The following AK7 variants were observed in gnomAD, a reference collection of about 807,000 sequenced individuals.
AK7 encodes ATP-AMP transphosphorylase 7.
AK7 carries 78 observed loss-of-function variants against 96.6 expected under a neutral mutation model. The ratio of observed to expected loss-of-function variants is 0.81; its 90% CI spans 0.67 to 0.97. The LOEUF is 0.97. AK7 is among the 50% of genes least tolerant of loss of function. AK7 has a pLI of 0.00. For missense variants in AK7, 855 were observed against 887.9 expected, an observed-to-expected ratio of 0.96 and a Z score of 0.47; for synonymous variants, 302 against 317.2, an observed-to-expected ratio of 0.95 and a Z score of 0.51.
At position 96,489,406 on chromosome 14, in the gene AK7, T is replaced by G. The variant is rs1895945488; in HGVS notation, c.*1063T>G. ...TCTCTATGGATTTACCTATTATAAA[T>G]AAAACCATATAATGGGTGGTCTTTC... On this transcript the variant is annotated 3_prime_UTR_variant, in exon 18 of 18. Coordinates refer to ENST00000267584, the MANE Select transcript of AK7 (RefSeq NM_152327.5). 1 of 152,206 alleles carries G rather than the reference T, an allele frequency of 6.6e-6. No homozygotes were observed. Among genetic ancestry groups the G allele is most frequent in the African/African-American group, 2.4e-5 (1 of 41,450 alleles). 9.4% of individuals were successfully genotyped at this position (152,206 alleles called of 1,614,324 possible). A position where few individuals can be genotyped will look rare whatever the true frequency, so the allele number is the denominator to read the frequency against.
rs766041097 is a variant in AK7, at chr14:96,483,118, G to T, written c.1873G>T (p.Ala625Ser). Residue 625 changes from alanine (A) to serine (S), a missense_variant, in exon 16 of 18, where the codon GCT (alanine) becomes TCT (serine). By Grantham distance (99) the Ala-to-Ser change is moderately conservative. Coordinates refer to ENST00000267584, the MANE Select transcript of AK7 (RefSeq NM_152327.5). Reference protein sequence around the residue: ...DEEKAEEERKAAEERLAREAA... With the variant: ...DEEKAEEERKSAEERLAREAA... ...AGAAAAGGCAGAAGAGGAGCGGAAG[G>T]CTGCGGAGGAGCGGCTGGCCAGGGA... 1 of 1,614,066 alleles carries T rather than the reference G, an allele frequency of 6.2e-7. No individual in the cohort carries two copies. The highest frequency in any genetic ancestry group is 1.3e-5 in the African/African-American group (1 of 74,940).
chr14:96,475,842 G>A (rs1895144294), intron 14 of AK7, among the ~76,000 whole-genome samples: 1 of 152,020 alleles, frequency 6.6e-6, no homozygotes, highest in South Asian at 2.1e-4. Flanking sequence ...AGCTGGGTGT[G>A]GTGGCATGTG....
At chr14:96,479,082 TTTC>T (rs1193243591) in intron 15 of AK7, among the ~76,000 whole-genome samples, 1 of 151,806 alleles carries the variant, frequency 6.6e-6, no homozygotes, top group African/African-American at 2.4e-5. Flanking sequence ...TTAATTTTTT[TTTC>T]TTTTTTTTTG....
intron 15 of AK7, among the ~76,000 whole-genome samples, chr14:96,481,771 C>T (rs1399491192): frequency 6.8e-6 from 1 of 147,378 alleles, no homozygotes; most frequent in Non-Finnish European, 1.5e-5. Context: ...GTAGCTCAAT[C>T]TCAACTCAAT....
intron 5 of AK7, among the ~76,000 whole-genome samples, chr14:96,425,011 G>T (rs558662347): frequency 6.6e-6 from 1 of 151,848 alleles, no homozygotes; most frequent in Non-Finnish European, 1.5e-5. Context: ...TCAAAATTTC[G>T]TTGTAAAAAT....
intron 5 of AK7, among the ~76,000 whole-genome samples, chr14:96,434,205 G>A (rs1366294228): frequency 6.6e-6 from 1 of 152,208 alleles, no homozygotes; most frequent in Non-Finnish European, 1.5e-5. Context: ...CTCTTGGGAA[G>A]GCATTCCAGA....
At chr14:96,458,962 A>C (rs1055940118) in intron 12 of AK7, among the ~76,000 whole-genome samples, 2 of 67,160 alleles carry the variant, frequency 3.0e-5, no homozygotes, top group Non-Finnish European at 7.6e-5. Context: ...AATTATAACA[A>C]AAAAAAAATC....
chr14:96,482,594 T>C (rs1408126175), intron 15 of AK7, among the ~76,000 whole-genome samples: 1 of 152,232 alleles, frequency 6.6e-6, no homozygotes. Flanking sequence ...TATCCCAGTA[T>C]CATTGATTTT....
Position 96,449,891 on chromosome 14 carries a change from C to T in AK7, c.948+12C>T, listed in dbSNP as rs10444759. 0.36 allele frequency: 527,857 copies of T among 1,464,326 alleles called. 96,230 individuals are homozygous for T. Among genetic ancestry groups the T allele is most frequent in the Middle Eastern group, 0.45 (2,162 of 4,832 alleles). The allele number at this position is 1,464,326 out of a possible 1,614,324, so 90.7% of individuals were successfully genotyped here. On this transcript the variant is annotated intron_variant, in intron 9 of 17. Transcript: ENST00000267584. ...CCAAGGACTTAACGGTTAGTATATG[C>T]GGTGTTTTTTTTTTTTTAACTATCT...
chr14:96,396,640 G>C (rs1485953551), intron 1 of AK7, among the ~76,000 whole-genome samples: 1 of 151,964 alleles, frequency 6.6e-6, no homozygotes, highest in Non-Finnish European at 1.5e-5. Context: ...TTATTCCCAA[G>C]GTATGGTAAT....
At chr14:96,411,694 TG>T (rs572748262) in intron 4 of AK7, among the ~76,000 whole-genome samples, 4 of 151,992 alleles carry the variant, frequency 2.6e-5, no homozygotes, top group South Asian at 2.1e-4. Flanking sequence ...AGGAAGTCAG[TG>T]GGGGGTATAG....
chr14:96,442,574 A>G (rs1259216325), intron 6 of AK7, among the ~76,000 whole-genome samples, 156 bp from the exon 7 acceptor site: 1 of 152,146 alleles, frequency 6.6e-6, no homozygotes, highest in Non-Finnish European at 1.5e-5. Context: ...TTGATCCTAA[A>G]TCTCATCAGG....
intron 4 of AK7, among the ~76,000 whole-genome samples, chr14:96,416,928 C>T (rs1390445008): frequency 6.6e-6 from 1 of 152,202 alleles, no homozygotes; most frequent in East Asian, 1.9e-4. Flanking sequence ...AGAGATTGAT[C>T]TTCCTTTTCT....
At chr14:96,398,517 A>G in intron 2 of AK7, 1 of 506,630 alleles carries the variant, frequency 2.0e-6, no homozygotes, top group Non-Finnish European at 3.6e-6. Context: ...AGACTCATAC[A>G]GTTCTCCTCT....
At chr14:96,473,809 G>A (rs769189042) in intron 14 of AK7, among the ~76,000 whole-genome samples, 2 of 152,102 alleles carry the variant, frequency 1.3e-5, no homozygotes, top group Non-Finnish European at 2.9e-5. Context: ...CCCTGGTTTT[G>A]GTGCTAACCG....
chr14:96,420,785 C>T (rs1423185139), intron 4 of AK7, 37 bp from the exon 5 acceptor site: 6 of 1,466,224 alleles, frequency 4.1e-6, no homozygotes, highest in East Asian at 2.3e-5. Flanking sequence ...ATCTCTAATT[C>T]ACCAAGTCTG....
At chr14:96,465,199 C>T (rs962101566) in intron 12 of AK7, among the ~76,000 whole-genome samples, 3 of 152,222 alleles carry the variant, frequency 2.0e-5, no homozygotes, top group Admixed American at 6.5e-5. Flanking sequence ...CCGTGGCTCA[C>T]GCCTGTAATC....
At chr14:96,488,027 CT>C in intron 17 of AK7, 1 of 406,218 alleles carries the variant, frequency 2.5e-6, no homozygotes. Context: ...ATTCTCCTGC[CT>C]TAGCCTCCCA....
intron 2 of AK7, chr14:96,398,591 G>C (rs555208868): frequency 3.2e-6 from 1 of 316,564 alleles, no homozygotes; most frequent in East Asian, 7.4e-5. Context: ...CATCTGTGAA[G>C]GAGAAATAGG....
Sources: gnomAD v4.1 joint callset for allele counts (sites outside exome capture counted in the v4.1 genomes callset) on GRCh38, gnomAD v4.1.1 for gene constraint, MANE v1.5 for transcripts, NCBI Gene and HGNC (gene_info 2026-07-23, HGNC 2026-07-21) for gene names.